Variants in LRRC4C observed in about 807,000 individuals in gnomAD.
The protein encoded by LRRC4C is leucine rich repeat containing 4C, also known as leucine-rich repeat-containing protein 4C.
A neutral mutation model predicts 33.6 loss-of-function variants in LRRC4C; 5 were observed. The ratio of observed to expected loss-of-function variants is 0.15; its 90% CI spans 0.08 to 0.31. The LOEUF is 0.31. Among genes scored for constraint, LRRC4C ranks in the 10% least tolerant of loss-of-function variants. LRRC4C has a pLI of 1.00. For missense variants in LRRC4C, 560 were observed against 796.7 expected (o/e 0.70, Z 3.58); for synonymous variants, 329 against 302.0 (o/e 1.09, Z -0.93).
chr11:40,493,819 A>T (rs1169651019), intron 3 of LRRC4C, among the ~76,000 whole-genome samples: 1 of 152,042 alleles, frequency 6.6e-6, no homozygotes, highest in Non-Finnish European at 1.5e-5. Context: ...AGAAAGACCA[A>T]ATCATTCTGG....
intron 5 of LRRC4C, among the ~76,000 whole-genome samples, chr11:40,224,391 T>C (rs890449409): frequency 2.6e-5 from 4 of 152,234 alleles, no homozygotes; most frequent in Non-Finnish European, 5.9e-5. Flanking sequence ...AATTCTTTCA[T>C]TATTTGCCTG....
intron 1 of LRRC4C, among the ~76,000 whole-genome samples, chr11:40,936,343 T>TG (rs1957897651): frequency 7.0e-6 from 1 of 142,678 alleles, no homozygotes; most frequent in African/African-American, 2.6e-5. Flanking sequence ...CTTGTTTTTT[T>TG]TTTTTTTTTT....
At chr11:40,538,788 C>G (rs902878127) in intron 3 of LRRC4C, among the ~76,000 whole-genome samples, 1 of 152,164 alleles carries the variant, frequency 6.6e-6, no homozygotes, top group Non-Finnish European at 1.5e-5. Context: ...TATTTCTCCA[C>G]GTCCTCTGCA....
chr11:40,562,266 A>G (rs1337829914), intron 3 of LRRC4C, among the ~76,000 whole-genome samples: 2 of 152,216 alleles, frequency 1.3e-5, no homozygotes, highest in Admixed American at 6.5e-5. Context: ...GATTTCTTAA[A>G]TGTTAACAAA....
At chr11:41,350,595 C>A (rs892491610) in intron 1 of LRRC4C, among the ~76,000 whole-genome samples, 2 of 151,822 alleles carry the variant, frequency 1.3e-5, no homozygotes, top group Non-Finnish European at 2.9e-5. Flanking sequence ...AAATATTAAC[C>A]TCCATCACAT....
At chr11:41,411,140 C>CTTTTTTTTTTTT (rs1249968357) in intron 1 of LRRC4C, among the ~76,000 whole-genome samples, 35 of 49,876 alleles carry the variant, frequency 7.0e-4, no homozygotes, top group East Asian at 8.7e-4. Context: ...GGTTGGTACC[C>CTTTTTTTTTTTT]TATTTTTTTT....
At chr11:41,136,895 T>A (rs1943286885) in intron 1 of LRRC4C, among the ~76,000 whole-genome samples, 2 of 152,202 alleles carry the variant, frequency 1.3e-5, no homozygotes, top group Non-Finnish European at 1.5e-5. Context: ...AGTGTGATAT[T>A]GCCTACATAA....
chr11:40,529,670 A>C (rs1237620667), intron 3 of LRRC4C, among the ~76,000 whole-genome samples: 1 of 152,202 alleles, frequency 6.6e-6, no homozygotes, highest in Non-Finnish European at 1.5e-5. Context: ...TTAAAAGTGT[A>C]AACAAAAACC....
intron 1 of LRRC4C, among the ~76,000 whole-genome samples, chr11:41,289,245 G>A (rs1341888143): frequency 6.6e-6 from 1 of 151,978 alleles, no homozygotes; most frequent in Non-Finnish European, 1.5e-5. Flanking sequence ...TCTTATAGAC[G>A]AAGAATAATC....
At chr11:40,220,725 A>G (rs1013146952) in intron 5 of LRRC4C, among the ~76,000 whole-genome samples, 3 of 152,168 alleles carry the variant, frequency 2.0e-5, no homozygotes, top group African/African-American at 7.2e-5. Flanking sequence ...CTTACTGTGA[A>G]TGAAACTTAA....
At chr11:41,190,656 T>C (rs1394350110) in intron 1 of LRRC4C, among the ~76,000 whole-genome samples, 2 of 152,118 alleles carry the variant, frequency 1.3e-5, no homozygotes, top group Non-Finnish European at 2.9e-5. Flanking sequence ...CTGCGTACAT[T>C]TGTGTTCGTC....
chr11:40,336,463 C>T (rs1946607323), intron 3 of LRRC4C, among the ~76,000 whole-genome samples: 1 of 152,096 alleles, frequency 6.6e-6, no homozygotes, highest in East Asian at 1.9e-4. Flanking sequence ...AGTCTTTATT[C>T]CTGAATGACT....
intron 1 of LRRC4C, among the ~76,000 whole-genome samples, chr11:41,145,541 G>A (rs1943693418): frequency 7.9e-6 from 1 of 126,144 alleles, no homozygotes; most frequent in Non-Finnish European, 1.9e-5. Context: ...TGCTACAACG[G>A]CAGAGTTGAA....
chr11:40,704,944 T>C (rs1469133147), intron 2 of LRRC4C, among the ~76,000 whole-genome samples: 1 of 152,142 alleles, frequency 6.6e-6, no homozygotes, highest in Non-Finnish European at 1.5e-5. Flanking sequence ...AAAAATTTGA[T>C]ATTAATATTA....
At chr11:40,492,128 A>T (rs1565442407) in intron 3 of LRRC4C, among the ~76,000 whole-genome samples, 1 of 152,228 alleles carries the variant, frequency 6.6e-6, no homozygotes, top group Non-Finnish European at 1.5e-5. Context: ...AACTTGTTAC[A>T]CATATAATTG....
chr11:41,023,908 T>A (rs1376658801), intron 1 of LRRC4C, among the ~76,000 whole-genome samples: 1 of 151,736 alleles, frequency 6.6e-6, no homozygotes, highest in Non-Finnish European at 1.5e-5. Flanking sequence ...CCAAACCAGA[T>A]CTGCTGTTCG....
At chr11:41,261,936 G>A (rs1948994138) in intron 1 of LRRC4C, among the ~76,000 whole-genome samples, 1 of 152,004 alleles carries the variant, frequency 6.6e-6, no homozygotes, top group Admixed American at 6.6e-5. Flanking sequence ...TGTCCAGGAT[G>A]GAACTAGGGA....
chr11:40,241,813 G>C (rs978675907), intron 4 of LRRC4C: 1 of 152,192 alleles, frequency 6.6e-6, no homozygotes, highest in African/African-American at 2.4e-5. Context: ...AACCACATAG[G>C]TTGCTAGTAT....
At chr11:40,926,954 T>C (rs1957429333) in intron 2 of LRRC4C, among the ~76,000 whole-genome samples, 1 of 152,202 alleles carries the variant, frequency 6.6e-6, no homozygotes, top group South Asian at 2.1e-4. Flanking sequence ...AGGGGACTTA[T>C]ATTTATTTCC....
Sources: gnomAD v4.1 joint callset for allele counts (sites outside exome capture counted in the v4.1 genomes callset) on GRCh38, gnomAD v4.1.1 for gene constraint, MANE v1.5 for transcripts, NCBI Gene and HGNC (gene_info 2026-07-23, HGNC 2026-07-21) for gene names.